DENND1A: variants seen among roughly 807,000 people sequenced by gnomAD.
The protein encoded by DENND1A is DENN domain containing 1A, also known as DENN domain-containing protein 1A.
DENND1A carries 51 observed loss-of-function variants against 113.7 expected under a neutral mutation model. That is an observed-to-expected ratio of 0.45 (90% CI 0.36 to 0.57). The LOEUF (loss-of-function observed/expected upper bound fraction) is 0.57, where lower values mean the gene tolerates loss of function less well. Ranked by LOEUF, DENND1A falls within the 20% of genes least tolerant of loss-of-function variation. The pLI is 0.00. For missense variants in DENND1A, 1,258 were observed against 1,395.9 expected, an observed-to-expected ratio of 0.90 and a Z score of 1.57; for synonymous variants, 565 against 570.8, an observed-to-expected ratio of 0.99 and a Z score of 0.14.
intron 5 of DENND1A, among the ~76,000 whole-genome samples, chr9:123,737,697 G>A (rs1305228762): frequency 1.3e-5 from 2 of 152,148 alleles, no homozygotes; most frequent in Non-Finnish European, 2.9e-5. Context: ...CTTTCCAGGG[G>A]TCTTAGCAGC....
At chr9:123,725,896 C>G (rs1057152505) in intron 5 of DENND1A, among the ~76,000 whole-genome samples, 1 of 152,204 alleles carries the variant, frequency 6.6e-6, no homozygotes, top group African/African-American at 2.4e-5. Flanking sequence ...AAACTAAATT[C>G]TAACAGGTAA....
intron 13 of DENND1A, among the ~76,000 whole-genome samples, chr9:123,515,224 CTG>C (rs1286952669): frequency 6.6e-6 from 1 of 152,218 alleles, no homozygotes; most frequent in Non-Finnish European, 1.5e-5. Flanking sequence ...ACTGGGAAAA[CTG>C]TATGTAGATT....
intron 3 of DENND1A, among the ~76,000 whole-genome samples, chr9:123,770,551 C>T (rs1829561639): frequency 6.6e-6 from 1 of 152,182 alleles, no homozygotes; most frequent in Non-Finnish European, 1.5e-5. Context: ...CTTAATTTAA[C>T]TTCAGACTTG....
chr9:123,536,047 A>T (rs2055738167), intron 13 of DENND1A, among the ~76,000 whole-genome samples: 2 of 152,224 alleles, frequency 1.3e-5, no homozygotes, highest in South Asian at 4.1e-4. Context: ...ACTATATAGC[A>T]AAACCTCAAA....
At chr9:123,908,949 A>G (rs568391791) in intron 1 of DENND1A, among the ~76,000 whole-genome samples, 20 of 152,320 alleles carry the variant, frequency 1.3e-4, no homozygotes, top group African/African-American at 4.8e-4. Context: ...GAACCAACCC[A>G]AATGTCCAAC....
chr9:123,778,645 GTTTT>G (rs1336852735), intron 3 of DENND1A, among the ~76,000 whole-genome samples: 1 of 151,996 alleles, frequency 6.6e-6, no homozygotes, highest in African/African-American at 2.4e-5. Context: ...GTTCTTGTTT[GTTTT>G]TTTAACAATC....
chr9:123,884,762 C>T (rs1848771805), intron 1 of DENND1A, among the ~76,000 whole-genome samples: 1 of 152,066 alleles, frequency 6.6e-6, no homozygotes, highest in African/African-American at 2.4e-5. Flanking sequence ...GATGAGGACA[C>T]TGAAGCTCAC....
chr9:123,540,456 A>G (rs1228502577), intron 13 of DENND1A, among the ~76,000 whole-genome samples: 2 of 152,216 alleles, frequency 1.3e-5, no homozygotes, highest in Non-Finnish European at 2.9e-5. Context: ...AGCATTTTTA[A>G]AAATAGAATT....
At chr9:123,616,625 C>T (rs545433340) in intron 10 of DENND1A, among the ~76,000 whole-genome samples, 2 of 152,158 alleles carry the variant, frequency 1.3e-5, no homozygotes, top group Non-Finnish European at 2.9e-5. Flanking sequence ...TGCTGGGACA[C>T]CTGCTGGGAT....
chr9:123,423,609 C>A (rs1468200320), intron 19 of DENND1A, among the ~76,000 whole-genome samples: 1 of 152,176 alleles, frequency 6.6e-6, no homozygotes, highest in East Asian at 1.9e-4. Flanking sequence ...GATCACTTGG[C>A]AGGCCCTCAA....
At chr9:123,449,995 TA>T (rs2047591188) in intron 18 of DENND1A, among the ~76,000 whole-genome samples, 1 of 51,820 alleles carries the variant, frequency 1.9e-5, no homozygotes, top group East Asian at 4.3e-4. Flanking sequence ...GCTATGGCAA[TA>T]AAAAAATTAA....
At chr9:123,635,324 C>A (rs2061650821) in intron 9 of DENND1A, among the ~76,000 whole-genome samples, 1 of 152,232 alleles carries the variant, frequency 6.6e-6, no homozygotes. Flanking sequence ...ACACTCATCA[C>A]CACATTTCAC....
chr9:123,474,454 T>C (rs558979846), intron 13 of DENND1A, among the ~76,000 whole-genome samples: 28 of 152,332 alleles, frequency 1.8e-4, no homozygotes, highest in Middle Eastern at 6.8e-3. Flanking sequence ...TAAGCAAAAA[T>C]TTTTAAGCAA....
intron 2 of DENND1A, among the ~76,000 whole-genome samples, chr9:123,840,294 AG>A (rs1455600439): frequency 1.3e-5 from 2 of 152,098 alleles, no homozygotes; most frequent in African/African-American, 4.8e-5. Flanking sequence ...TTCAGGCAAA[AG>A]TTCTAACACA....
rs529853782 is a variant in DENND1A, at chr9:123,497,855, T to A, written c.994-39958A>T. 2.7e-5 allele frequency among the ~76,000 whole-genome samples: 4 copies of A among 148,570 alleles called. No individual in the cohort carries two copies. In the South Asian group the frequency reaches 8.6e-4, roughly 32 times the overall value. ...AAGAAAAAATCTATCATTCTACTCC[T>A]CAAGTAAGGCTCAAATCTTAGGAAA... On this transcript the variant is annotated intron_variant, in intron 13 of 23. Transcript: ENST00000394215.
chr9:123,649,198 C>T (rs1231426699), intron 9 of DENND1A, among the ~76,000 whole-genome samples: 1 of 152,152 alleles, frequency 6.6e-6, no homozygotes, highest in Non-Finnish European at 1.5e-5. Flanking sequence ...GAAATAACAT[C>T]TTCAAGATAT....
At chr9:123,683,911 G>A (rs918451407) in intron 5 of DENND1A, among the ~76,000 whole-genome samples, 5 of 152,134 alleles carry the variant, frequency 3.3e-5, no homozygotes, top group Admixed American at 2.0e-4. Context: ...AACTCTAGTC[G>A]GGACGTGGGG....
At chr9:123,672,260 C>G (rs2063802099) in intron 6 of DENND1A, among the ~76,000 whole-genome samples, 2 of 152,114 alleles carry the variant, frequency 1.3e-5, no homozygotes, top group South Asian at 2.1e-4. Context: ...GAAGATGCAC[C>G]CAGACTACAA....
intron 5 of DENND1A, among the ~76,000 whole-genome samples, chr9:123,716,981 C>A (rs1363144056): frequency 6.6e-6 from 1 of 152,172 alleles, no homozygotes; most frequent in East Asian, 1.9e-4. Flanking sequence ...ATAACTTGGA[C>A]TAGTTAATTG....
Sources: gnomAD v4.1 joint callset for allele counts (sites outside exome capture counted in the v4.1 genomes callset) on GRCh38, gnomAD v4.1.1 for gene constraint, MANE v1.5 for transcripts, NCBI Gene and HGNC (gene_info 2026-07-23, HGNC 2026-07-21) for gene names.